The following DERA variants were observed in gnomAD, a reference collection of about 807,000 sequenced individuals.
DERA encodes deoxyribose-phosphate aldolase, also known as 2-deoxy-D-ribose 5-phosphate aldolase.
In DERA, 15 loss-of-function variants were observed where a neutral mutation model predicts 41.1. The ratio of observed to expected loss-of-function variants is 0.37; its 90% CI spans 0.24 to 0.56. The LOEUF (loss-of-function observed/expected upper bound fraction) is 0.56. DERA is among the 20% of genes least tolerant of loss of function. DERA has a pLI of 0.81. For missense variants in DERA, 396 were observed against 403.4 expected, an observed-to-expected ratio of 0.98 and a Z score of 0.16; for synonymous variants, 139 against 137.4, an observed-to-expected ratio of 1.01 and a Z score of -0.08.
chr12:15,963,668 A>G (rs955801213), intron 5 of DERA, among the ~76,000 whole-genome samples: 11 of 152,220 alleles, frequency 7.2e-5, no homozygotes, highest in African/African-American at 2.2e-4. Flanking sequence ...AGTTTAACCA[A>G]AAATTTTTAA....
Position 16,000,759 on chromosome 12 carries a change from A to G in DERA, c.637+18323A>G, listed in dbSNP as rs1159140272. ...TATTAACATTCTAGTGAATAATTAAAATATTCCTGTTTATTTTTTAATAAA... is the reference window on the plus strand; with the variant it reads ...TATTAACATTCTAGTGAATAATTAAGATATTCCTGTTTATTTTTTAATAAA... On this transcript the variant is annotated intron_variant, in intron 6 of 8. Coordinates refer to ENST00000428559, the MANE Select transcript of DERA (RefSeq NM_015954.4). The surrounding 1 kb of genome is among the most constrained non-coding windows in gnomAD (Gnocchi z 4.8). Among the ~76,000 whole-genome samples the G allele has an allele frequency of 6.6e-6, 1 of 152,218 alleles. No homozygotes were observed. Among genetic ancestry groups the G allele is most frequent in the Non-Finnish European group, 1.5e-5 (1 of 68,034 alleles).
In DERA at chr12:15,994,627, G is replaced by A. The variant is rs533613824; in HGVS notation, c.637+12191G>A. On this transcript the variant is annotated intron_variant, in intron 6 of 8. Coordinates refer to ENST00000428559, the MANE Select transcript of DERA (RefSeq NM_015954.4). This position sits in a 1 kb window ranked among gnomAD's most constrained non-coding sequence, Gnocchi z 4.8. ...TGCAACCACGCCTGGCTAATTTTTT[G>A]TATTTTTAGTAGAGACGGGGTTTCA... is the stretch of plus-strand genomic sequence containing the variant. Among the ~76,000 whole-genome samples, 2 of 152,218 alleles carry A rather than the reference G, an allele frequency of 1.3e-5. No individual in the cohort carries two copies. Among genetic ancestry groups the A allele is most frequent in the East Asian group, 3.9e-4 (2 of 5,152 alleles).
At position 15,990,594 on chromosome 12, in the gene DERA, C is replaced by G. The variant is rs1389878597; in HGVS notation, c.637+8158C>G. The stretch of plus-strand genomic sequence containing the variant: ...ATTTGTCGTTTTTTCTGATCCTCTT[C>G]CTCCTTCCACCCTCCAAACTCCAAA... On this transcript the variant is annotated intron_variant, in intron 6 of 8. Coordinates refer to ENST00000428559, the MANE Select transcript of DERA (RefSeq NM_015954.4). The surrounding 1 kb of genome is among the most constrained non-coding windows in gnomAD (Gnocchi z 4.3). Among the ~76,000 whole-genome samples, 2 of 152,040 alleles carry G rather than the reference C, an allele frequency of 1.3e-5. No homozygotes were observed. Among genetic ancestry groups the G allele is most frequent in the African/African-American group, 4.8e-5 (2 of 41,370 alleles).
At position 16,035,077 on chromosome 12, in the gene DERA, A is replaced by AT. The variant is rs904478586; in HGVS notation, c.751-1154dup. Among the ~76,000 whole-genome samples the AT allele has an allele frequency of 1.3e-5, 2 of 152,150 alleles. No homozygotes were observed. The highest frequency in any genetic ancestry group is 4.8e-5 in the African/African-American group (2 of 41,416). On this transcript the variant is annotated intron_variant, in intron 7 of 8. Transcript: ENST00000428559. The surrounding 1 kb of genome is among the most constrained non-coding windows in gnomAD (Gnocchi z 4.1). Reference sequence around the variant, plus strand: ...GAAACCAGTTAAAAGACTTTTACTGATATTTCCTGTGAGAATTGATAAGGG... The same window carrying AT: ...GAAACCAGTTAAAAGACTTTTACTGATTATTTCCTGTGAGAATTGATAAGGG...
rs1948406429 is a variant in DERA, at chr12:15,941,228, TTG to T, written c.32-15702_32-15701del. Among the ~76,000 whole-genome samples the T allele has an allele frequency of 6.6e-6, 1 of 152,156 alleles. No individual in the cohort carries two copies. Among genetic ancestry groups the T allele is most frequent in the Non-Finnish European group, 1.5e-5 (1 of 68,034 alleles). On this transcript the variant is annotated intron_variant, in intron 1 of 8. Transcript: ENST00000428559. The surrounding 1 kb of genome is among the most constrained non-coding windows in gnomAD (Gnocchi z 4.5). The stretch of plus-strand genomic sequence containing the variant: ...CTCATTGACCTACTGACTGTGGGTG[TTG>T]TGTGTTTGTGTCTCTTGCATGATTG...
rs1565588562 is a variant in DERA, at chr12:15,936,876, T to TGTCCTGTCCTGTCC, written c.32-20060_32-20059insGTCCTGTCCTGTCC. ...TTGTCTTGTCTTGTCTTGTCTTGTCTTGTCTTGTCTTGTCCTGTCCTGTCC... is the reference window on the plus strand; with the variant it reads ...TTGTCTTGTCTTGTCTTGTCTTGTCTGTCCTGTCCTGTCCTGTCTTGTCTTGTCCTGTCCTGTCC... On this transcript the variant is annotated intron_variant, in intron 1 of 8. Coordinates refer to ENST00000428559, the MANE Select transcript of DERA (RefSeq NM_015954.4). This position sits in a 1 kb window ranked among gnomAD's most constrained non-coding sequence, Gnocchi z 4.6. Among the ~76,000 whole-genome samples, 1 of 134,262 alleles carries TGTCCTGTCCTGTCC rather than the reference T, an allele frequency of 7.4e-6. No homozygotes were observed. Among genetic ancestry groups the TGTCCTGTCCTGTCC allele is most frequent in the African/African-American group, 3.5e-5 (1 of 28,788 alleles). 88.1% of individuals were successfully genotyped at this position (134,262 alleles called of 152,430 possible).
chr12:15,973,548 C>T (rs1447772951), intron 5 of DERA, among the ~76,000 whole-genome samples: 1 of 146,962 alleles, frequency 6.8e-6, no homozygotes, highest in African/African-American at 2.5e-5. Flanking sequence ...ATAGTAAGGG[C>T]TCTGGAGAAT....
rs958760824 is a variant in DERA at position 16,001,657 on chromosome 12, T to A, written c.637+19221T>A. Among the ~76,000 whole-genome samples, 10 of 152,114 alleles carry A rather than the reference T, an allele frequency of 6.6e-5. No individual in the cohort carries two copies. The highest frequency in any genetic ancestry group is 2.4e-4 in the African/African-American group (10 of 41,416). ...CTTTAGATAGTAGTAACAGGCTTAG[T>A]AGAGTAGTTGGAATAAAATTACAAC... is the stretch of plus-strand genomic sequence containing the variant. On this transcript the variant is annotated intron_variant, in intron 6 of 8. Coordinates refer to ENST00000428559, the MANE Select transcript of DERA (RefSeq NM_015954.4). This position sits in a 1 kb window ranked among gnomAD's most constrained non-coding sequence, Gnocchi z 4.1.
At position 15,959,094 on chromosome 12, in the gene DERA, A is replaced by G. The variant is rs1592019516; in HGVS notation, c.278-735A>G. On this transcript the variant is annotated intron_variant, in intron 3 of 8. Coordinates refer to ENST00000428559, the MANE Select transcript of DERA (RefSeq NM_015954.4). This position sits in a 1 kb window ranked among gnomAD's most constrained non-coding sequence, Gnocchi z 4.5. ...TGGAGACGTTGAATTGGCCCAATGC[A>G]GGTCTTTTATCCCAAATAAACACGT... Among the ~76,000 whole-genome samples the G allele has an allele frequency of 1.3e-5, 2 of 151,412 alleles. No homozygotes were observed. The highest frequency in any genetic ancestry group is 1.5e-5 in the Non-Finnish European group (1 of 67,872).
At chr12:16,006,055 T>C (rs1948908362) in intron 6 of DERA, among the ~76,000 whole-genome samples, 1 of 152,236 alleles carries the variant, frequency 6.6e-6, no homozygotes, top group Non-Finnish European at 1.5e-5. Context: ...GTTAAGTCTA[T>C]TTAAAGGATG....
In DERA at chr12:15,959,307, T is replaced by G. The variant is rs908432195; in HGVS notation, c.278-522T>G. ...TATTTGAATTCTAAATTTTTTAAAA[T>G]TTATGAACTTATTTCTTAAAATCAG... On this transcript the variant is annotated intron_variant, in intron 3 of 8. Coordinates refer to ENST00000428559, the MANE Select transcript of DERA (RefSeq NM_015954.4). This position sits in a 1 kb window ranked among gnomAD's most constrained non-coding sequence, Gnocchi z 4.5. 6.6e-6 allele frequency among the ~76,000 whole-genome samples: 1 copy of G among 152,204 alleles called. No individual in the cohort carries two copies. The highest frequency in any genetic ancestry group is 1.5e-5 in the Non-Finnish European group (1 of 68,030).
intron 1 of DERA, among the ~76,000 whole-genome samples, chr12:15,946,315 C>T (rs1237514716): frequency 6.6e-6 from 1 of 152,182 alleles, no homozygotes; most frequent in Non-Finnish European, 1.5e-5. Flanking sequence ...ACCAGCTCCT[C>T]CTTGTACCTC....
rs1948652730 is a variant in DERA, at chr12:15,970,545, T to G, written c.508+7598T>G. On this transcript the variant is annotated intron_variant, in intron 5 of 8. Transcript: ENST00000428559. This position sits in a 1 kb window ranked among gnomAD's most constrained non-coding sequence, Gnocchi z 4.3. Reference sequence around the variant, plus strand: ...AAGAAAGTTAATTTTATTTATTTATTTATAAGTGTTTTTAGCTTTTTGAGG... The same window carrying G: ...AAGAAAGTTAATTTTATTTATTTATGTATAAGTGTTTTTAGCTTTTTGAGG... 6.6e-6 allele frequency among the ~76,000 whole-genome samples: 1 copy of G among 152,160 alleles called. No individual in the cohort carries two copies. Among genetic ancestry groups the G allele is most frequent in the Admixed American group, 6.5e-5 (1 of 15,286 alleles).
chr12:16,036,850 T>C lies in DERA; in HGVS notation c.*104T>C. On this transcript the variant is annotated 3_prime_UTR_variant, in exon 9 of 9. Coordinates refer to ENST00000428559, the MANE Select transcript of DERA (RefSeq NM_015954.4). The surrounding 1 kb of genome is among the most constrained non-coding windows in gnomAD (Gnocchi z 4.9). ...ATTAAAAAATTGGGCAGTAGGTAAC[T>C]GGCATTCCTCTCTTTAAAATTTCTA... 2 of 815,712 alleles carry C rather than the reference T, an allele frequency of 2.5e-6. No homozygotes were observed. Among genetic ancestry groups the C allele is most frequent in the Non-Finnish European group, 3.9e-6 (2 of 506,708 alleles). The allele number at this position is 815,712 out of a possible 1,614,324, so 50.5% of individuals were successfully genotyped here.
At position 15,984,516 on chromosome 12, in the gene DERA, A is replaced by G. The variant is rs1173082176; in HGVS notation, c.637+2080A>G. Among the ~76,000 whole-genome samples, 1 of 152,224 alleles carries G rather than the reference A, an allele frequency of 6.6e-6. No homozygotes were observed. Among genetic ancestry groups the G allele is most frequent in the East Asian group, 1.9e-4 (1 of 5,194 alleles). ...ATTCATGGTGTGCTTTACCAGGTAC[A>G]TTGAAACAATATTCCTTCGTCCTCA... On this transcript the variant is annotated intron_variant, in intron 6 of 8. Coordinates refer to ENST00000428559, the MANE Select transcript of DERA (RefSeq NM_015954.4). The surrounding 1 kb of genome is among the most constrained non-coding windows in gnomAD (Gnocchi z 4.5).
intron 1 of DERA, among the ~76,000 whole-genome samples, chr12:15,925,725 A>G (rs1280016413): frequency 6.6e-6 from 1 of 151,692 alleles, no homozygotes; most frequent in Non-Finnish European, 1.5e-5. Context: ...GTGCAGTGCA[A>G]TGGGGAGAAT....
Position 15,981,112 on chromosome 12 carries a change from G to C in DERA, c.509-1196G>C, listed in dbSNP as rs796292473. ...ACCTGTAATCCCAGCACTTTGGGAC[G>C]CTGAGGCAGGCGGATTACCAGATCA... is the stretch of plus-strand genomic sequence containing the variant. On this transcript the variant is annotated intron_variant, in intron 5 of 8. Transcript: ENST00000428559. This position sits in a 1 kb window ranked among gnomAD's most constrained non-coding sequence, Gnocchi z 6.1. Among the ~76,000 whole-genome samples the C allele has an allele frequency of 5.3e-5, 8 of 152,194 alleles. 1 individual carries two copies. The highest frequency in any genetic ancestry group is 1.9e-4 in the African/African-American group (8 of 41,516).
At position 16,009,220 on chromosome 12, in the gene DERA, C is replaced by CTAAG. The variant is rs1319402245; in HGVS notation, c.638-23321_638-23318dup. Among the ~76,000 whole-genome samples the CTAAG allele has an allele frequency of 3.9e-5, 6 of 152,140 alleles. No homozygotes were observed. The East Asian group carries it at 7.7e-4, about 20-fold the overall frequency. On this transcript the variant is annotated intron_variant, in intron 6 of 8. Transcript: ENST00000428559. The surrounding 1 kb of genome is among the most constrained non-coding windows in gnomAD (Gnocchi z 5.3). ...GTTGTCAATCAGAATGAACTAGAATCTAAGATGCTTTTGGGTGAGTAGCAG... is the reference window on the plus strand; with the variant it reads ...GTTGTCAATCAGAATGAACTAGAATCTAAGTAAGATGCTTTTGGGTGAGTAGCAG...
chr12:15,930,477 A>G (rs565231624), intron 1 of DERA, among the ~76,000 whole-genome samples: 50 of 152,286 alleles, frequency 3.3e-4, no homozygotes, highest in African/African-American at 1.1e-3. Flanking sequence ...CAATAGCCAA[A>G]TAACAGAGTA....
Sources: allele counts gnomAD v4.1 joint callset (sites outside exome capture counted in the v4.1 genomes callset), GRCh38; gene constraint gnomAD v4.1.1; non-coding constraint Gnocchi (gnomAD v3.1); transcripts MANE v1.5; gene names NCBI Gene and HGNC (gene_info 2026-07-23, HGNC 2026-07-21).